The following PIK3R6 variants were observed in gnomAD, a reference collection of about 807,000 sequenced individuals.
The protein encoded by PIK3R6 is phosphoinositide-3-kinase regulatory subunit 6.
In PIK3R6, 91 loss-of-function variants were observed where a neutral mutation model predicts 84.9. That is an observed-to-expected ratio of 1.07 (90% CI 0.90 to 1.28). The LOEUF (loss-of-function observed/expected upper bound fraction) is 1.28. Ranked by LOEUF, PIK3R6 falls within the 50% of genes most tolerant of loss-of-function variation. PIK3R6 has a pLI of 0.00. For synonymous variants in PIK3R6, 416 were observed against 411.4 expected (o/e 1.01, Z -0.13); for missense variants, 996 against 985.1 (o/e 1.01, Z -0.15).
rs572709015 is a variant in PIK3R6 at position 8,833,997 on chromosome 17, A to G, written c.646-952T>C. Among the ~76,000 whole-genome samples, 20 of 151,790 alleles carry G rather than the reference A, an allele frequency of 1.3e-4. No homozygotes were observed. In the East Asian group the frequency reaches 4.0e-3, roughly 30 times the overall value. ...CGGTGAAACCCCGTCTCTACTAAAA[A>G]TAGAAAAAATTAGCTGGGTGTGGTG... On this transcript the variant is annotated intron_variant, in intron 8 of 19. Coordinates refer to ENST00000619866, the MANE Select transcript of PIK3R6 (RefSeq NM_001010855.4).
chr17:8,836,886 T>C lies in PIK3R6; in HGVS notation c.296A>G (p.Tyr99Cys). The C allele has an allele frequency of 6.4e-7, 1 of 1,558,590 alleles. No individual in the cohort carries two copies. Among genetic ancestry groups the C allele is most frequent in the South Asian group, 1.2e-5 (1 of 84,544 alleles). The change falls in exon 6 of 20, where the codon TAT becomes TGT. Residue 99 changes from tyrosine (Y) to cysteine (C), a missense_variant. By Grantham distance (194) the Tyr-to-Cys change is radical. Transcript: ENST00000619866. Reference protein sequence around the residue: ...GITEELYQRIYAFCTRLLTLP... With the variant: ...GITEELYQRICAFCTRLLTLP... Reference sequence around the variant, plus strand: ...GGTCAGTAACCTTGTGCAAAAGGCATAGATTCTCTGGTAGAGCTCTTCTGT... The same window carrying C: ...GGTCAGTAACCTTGTGCAAAAGGCACAGATTCTCTGGTAGAGCTCTTCTGT...
chr17:8,829,398 GCA>G (rs2088107886), intron 10 of PIK3R6, among the ~76,000 whole-genome samples: 2 of 139,580 alleles, frequency 1.4e-5, no homozygotes, highest in South Asian at 2.4e-4. Flanking sequence ...ACACACGCAT[GCA>G]CACATACACA....
intron 17 of PIK3R6, 127 bp downstream of exon 17, chr17:8,821,719 A>G: frequency 9.6e-7 from 1 of 1,036,464 alleles, no homozygotes; most frequent in Non-Finnish European, 1.4e-6. Context: ...GCAGTCACCA[A>G]GTCCTGGTCC....
rs2151321845 is a variant in PIK3R6 at position 8,862,566 on chromosome 17, G to T, written c.-92+4963C>A. ...CTGGCAGCTACCTCTGTCACCTGGG[G>T]GTGGCTGATCTTTCTCGGGCCGTAT... On this transcript the variant is annotated intron_variant, in intron 1 of 19. Transcript: ENST00000619866. The surrounding 1 kb of genome is among the most constrained non-coding windows in gnomAD (Gnocchi z 4.3). 6.6e-6 allele frequency among the ~76,000 whole-genome samples: 1 copy of T among 152,254 alleles called. No homozygotes were observed. Among genetic ancestry groups the T allele is most frequent in the South Asian group, 2.1e-4 (1 of 4,812 alleles).
At chr17:8,809,480 C>T (rs949025176) in intron 18 of PIK3R6, among the ~76,000 whole-genome samples, 3 of 152,218 alleles carry the variant, frequency 2.0e-5, no homozygotes, top group African/African-American at 7.2e-5. Context: ...AAATGCTCCA[C>T]TTAAAAGATA....
At chr17:8,831,325 G>GT (rs1336930647) in intron 9 of PIK3R6, among the ~76,000 whole-genome samples, 1 of 42,438 alleles carries the variant, frequency 2.4e-5, no homozygotes, top group Non-Finnish European at 4.0e-5. Flanking sequence ...GCAAGACCCT[G>GT]TCTAAAAAAA....
chr17:8,813,254 A>T (rs554907893), intron 18 of PIK3R6, among the ~76,000 whole-genome samples: 61 of 150,460 alleles, frequency 4.1e-4, no homozygotes, highest in African/African-American at 1.2e-3. Flanking sequence ...AATTAGTAAT[A>T]AAAAAAACTC....
At chr17:8,846,648 C>T (rs12945167) in intron 2 of PIK3R6, among the ~76,000 whole-genome samples, 35,070 of 151,674 alleles carry the variant, frequency 0.23, 4,380 homozygotes, top group African/African-American at 0.33. Context: ...TTTAGCAGTG[C>T]TTTGTACTTC....
chr17:8,853,996 C>G (rs79298325), intron 1 of PIK3R6, among the ~76,000 whole-genome samples: 10,135 of 149,614 alleles, frequency 0.068, 1,117 homozygotes, highest in African/African-American at 0.23. Context: ...TCTCCAAAAT[C>G]ATTTACATAT....
chr17:8,835,543 G>T, intron 7 of PIK3R6, 87 bp from the exon 8 acceptor site: 1 of 1,128,344 alleles, frequency 8.9e-7, no homozygotes, highest in Non-Finnish European at 1.2e-6. Context: ...GAGCTGTGCA[G>T]CACCTCCAAG....
At chr17:8,832,669 G>T (rs557672109) in intron 9 of PIK3R6, among the ~76,000 whole-genome samples, 1 of 151,750 alleles carries the variant, frequency 6.6e-6, no homozygotes, top group South Asian at 2.1e-4. Flanking sequence ...CTCCCAAAAT[G>T]CTGGGTTAAC....
intron 18 of PIK3R6, among the ~76,000 whole-genome samples, chr17:8,806,066 G>A (rs1251038397): frequency 1.3e-5 from 2 of 152,216 alleles, no homozygotes; most frequent in South Asian, 2.1e-4. Context: ...TGTTGATACT[G>A]GAATGTCACT....
rs1356635985 is a variant in PIK3R6 at position 8,821,751 on chromosome 17, G to C, written c.1879+95C>G. ...GTCCTGGCTCCAGTTCCGTGACTGA[G>C]AGGGCTCCCCCTTCTCCTGCCACTC... On this transcript the variant is annotated intron_variant, in intron 17 of 19. Coordinates refer to ENST00000619866, the MANE Select transcript of PIK3R6 (RefSeq NM_001010855.4). 6 of 1,335,314 alleles carry C rather than the reference G, an allele frequency of 4.5e-6. No individual in the cohort carries two copies. In the East Asian group the frequency reaches 1.5e-4, roughly 34 times the overall value. 82.7% of individuals were successfully genotyped at this position (1,335,314 alleles called of 1,614,324 possible).
rs952161709 is a variant in PIK3R6, at chr17:8,851,085, G to A, written c.-91-1200C>T. On this transcript the variant is annotated intron_variant, in intron 1 of 19. Transcript: ENST00000619866. ...GAAGATTCTCAGTTTATTGGACAAG[G>A]CCAGCTTCACCTTGATACCAAAATC... 2.0e-5 allele frequency among the ~76,000 whole-genome samples: 3 copies of A among 150,920 alleles called. No individual in the cohort carries two copies. In the East Asian group the frequency reaches 5.8e-4, roughly 29 times the overall value.
intron 13 of PIK3R6, among the ~76,000 whole-genome samples, chr17:8,826,936 G>A (rs1235473596): frequency 6.6e-6 from 1 of 152,108 alleles, no homozygotes; most frequent in Non-Finnish European, 1.5e-5. Flanking sequence ...TACGAGCCTG[G>A]TAAGTGTCCC....
At chr17:8,822,484 A>C in intron 16 of PIK3R6, 103 bp downstream of exon 16, 3 of 1,308,740 alleles carry the variant, frequency 2.3e-6, no homozygotes, top group Non-Finnish European at 3.2e-6. Flanking sequence ...GAAAAGGGGC[A>C]GAAGCTTCCT....
chr17:8,827,156 C>T lies in PIK3R6; in HGVS notation c.1515+16G>A. On this transcript the variant is annotated intron_variant, in intron 13 of 19. Transcript: ENST00000619866. ...CCGTCCCTCTCTCCCTCCCTGGTAC[C>T]CTCACCCTCCCCTACCATCTCAGCC... The T allele has an allele frequency of 6.2e-7, 1 of 1,611,792 alleles. No homozygotes were observed. Among genetic ancestry groups the T allele is most frequent in the Non-Finnish European group, 8.5e-7 (1 of 1,178,844 alleles).
intron 10 of PIK3R6, among the ~76,000 whole-genome samples, chr17:8,829,394 G>A (rs554019510): frequency 5.4e-5 from 7 of 129,486 alleles, no homozygotes; most frequent in East Asian, 5.0e-4. Flanking sequence ...TGACACACAC[G>A]CATGCACACA....
At chr17:8,843,156 T>G (rs1027913122) in intron 2 of PIK3R6, among the ~76,000 whole-genome samples, 10 of 152,214 alleles carry the variant, frequency 6.6e-5, no homozygotes, top group African/African-American at 2.2e-4. Flanking sequence ...TAGCTCAGCA[T>G]GAAGGTTGGT....
Sources: allele counts gnomAD v4.1 joint callset (sites outside exome capture counted in the v4.1 genomes callset), GRCh38; gene constraint gnomAD v4.1.1; non-coding constraint Gnocchi (gnomAD v3.1); transcripts MANE v1.5; gene names NCBI Gene and HGNC (gene_info 2026-07-23, HGNC 2026-07-21).